The following PCSK2 variants were observed in gnomAD, a reference collection of about 807,000 sequenced individuals.
PCSK2 encodes neuroendocrine convertase 2.
PCSK2 carries 14 observed loss-of-function variants against 69.7 expected under a neutral mutation model. The observed-to-expected ratio is 0.20, with a 90% CI of 0.13 to 0.31. The LOEUF is 0.31. Among genes scored for constraint, PCSK2 ranks in the 10% least tolerant of loss-of-function variants. PCSK2 has a pLI of 1.00. For synonymous variants in PCSK2, 307 were observed against 320.7 expected (o/e 0.96, Z 0.46); for missense variants, 544 against 842.5 (o/e 0.65, Z 4.39).
intron 2 of PCSK2, among the ~76,000 whole-genome samples, chr20:17,283,068 T>G (rs73599741): frequency 2.6e-5 from 4 of 152,126 alleles, no homozygotes; most frequent in African/African-American, 7.2e-5. Flanking sequence ...ATGAACACCT[T>G]TGGTAGGTCA....
At chr20:17,421,807 T>TAAAAAAAAAAAAAAAAAAAAAAAAA (rs56376793) in intron 6 of PCSK2, among the ~76,000 whole-genome samples, 1 of 78,972 alleles carries the variant, frequency 1.3e-5, no homozygotes, top group Non-Finnish European at 2.3e-5. Flanking sequence ...GGAAGAGAGG[T>TAAAAAAAAAAAAAAAAAAAAAAAAA]AAAAAAAAAA....
intron 2 of PCSK2, among the ~76,000 whole-genome samples, chr20:17,288,383 A>G (rs1345833681): frequency 6.6e-6 from 1 of 152,208 alleles, no homozygotes; most frequent in East Asian, 1.9e-4. Context: ...TAGCAAGACC[A>G]GAGCAGGTGC....
intron 2 of PCSK2, among the ~76,000 whole-genome samples, chr20:17,326,848 A>G (rs1990069185): frequency 6.6e-6 from 1 of 152,214 alleles, no homozygotes; most frequent in East Asian, 1.9e-4. Context: ...CTGGAGGTGC[A>G]TGGAGAGGGC....
At chr20:17,277,016 G>A (rs1397775404) in intron 2 of PCSK2, among the ~76,000 whole-genome samples, 1 of 152,128 alleles carries the variant, frequency 6.6e-6, no homozygotes, top group East Asian at 1.9e-4. Context: ...TACAAGGGAT[G>A]TGAAGGACCT....
chr20:17,378,640 GATGA>G (rs1256821390), intron 5 of PCSK2, among the ~76,000 whole-genome samples: 32 of 91,660 alleles, frequency 3.5e-4, no homozygotes, highest in South Asian at 6.3e-4. Context: ...TGGATGGATG[GATGA>G]ATGGATGGAT....
intron 1 of PCSK2, among the ~76,000 whole-genome samples, chr20:17,242,414 C>T (rs1986614689): frequency 6.6e-6 from 1 of 152,166 alleles, no homozygotes; most frequent in Non-Finnish European, 1.5e-5. Context: ...AGATGAGGCA[C>T]ATTGAAAGGG....
intron 4 of PCSK2, among the ~76,000 whole-genome samples, chr20:17,366,549 A>G (rs1474399570): frequency 6.6e-6 from 1 of 152,238 alleles, no homozygotes; most frequent in Non-Finnish European, 1.5e-5. Context: ...AGAATATTGT[A>G]AGAATTAAAC....
chr20:17,384,324 A>C (rs1427541789), intron 5 of PCSK2, among the ~76,000 whole-genome samples: 1 of 151,762 alleles, frequency 6.6e-6, no homozygotes, highest in Non-Finnish European at 1.5e-5. Flanking sequence ...CTGGTGGCTC[A>C]CACCTGTAAT....
intron 7 of PCSK2, among the ~76,000 whole-genome samples, chr20:17,432,349 C>G (rs2032384846): frequency 6.6e-6 from 1 of 152,124 alleles, no homozygotes; most frequent in African/African-American, 2.4e-5. Flanking sequence ...TTTCAAACTC[C>G]GTGACATGTA....
chr20:17,435,171 C>T (rs994128406), intron 7 of PCSK2, among the ~76,000 whole-genome samples: 1 of 152,172 alleles, frequency 6.6e-6, no homozygotes, highest in African/African-American at 2.4e-5. Flanking sequence ...ATTCATTCTT[C>T]TGGACCTGTT....
intron 6 of PCSK2, among the ~76,000 whole-genome samples, chr20:17,426,925 G>T (rs1028919794): frequency 8.5e-5 from 13 of 152,156 alleles, no homozygotes; most frequent in Non-Finnish European, 1.8e-4. Context: ...TGGATACCTC[G>T]TGGCCCAGCC....
chr20:17,280,590 T>C (rs1328061106), intron 2 of PCSK2, among the ~76,000 whole-genome samples: 1 of 152,232 alleles, frequency 6.6e-6, no homozygotes, highest in Non-Finnish European at 1.5e-5. Flanking sequence ...GGGCCATGTC[T>C]AATAAGAAGG....
chr20:17,449,927 C>T (rs1169735776), intron 8 of PCSK2, among the ~76,000 whole-genome samples: 9 of 149,924 alleles, frequency 6.0e-5, no homozygotes, highest in South Asian at 4.2e-4. Context: ...TCTTCATCTT[C>T]GTCCCTCCTT....
At chr20:17,228,648 T>A (rs958361057) in intron 1 of PCSK2, among the ~76,000 whole-genome samples, 15 of 152,232 alleles carry the variant, frequency 9.9e-5, no homozygotes, top group Admixed American at 8.5e-4. Context: ...TGGTTTTGCC[T>A]TGAAGGGCCG....
chr20:17,234,781 TAATTATATATTCCACTCA>T (rs1254522569), intron 1 of PCSK2, among the ~76,000 whole-genome samples: 1 of 152,166 alleles, frequency 6.6e-6, no homozygotes, highest in African/African-American at 2.4e-5. Context: ...AGGTTCACAA[TAATTATATATTCCACTCA>T]AACTAACTGC....
intron 4 of PCSK2, among the ~76,000 whole-genome samples, chr20:17,368,540 G>A (rs1386196125): frequency 2.0e-5 from 3 of 152,190 alleles, no homozygotes; most frequent in Admixed American, 2.0e-4. Context: ...ACCCAAATGA[G>A]AGCTTTTCAA....
chr20:17,254,826 T>C (rs1987117659), intron 1 of PCSK2, among the ~76,000 whole-genome samples: 1 of 152,208 alleles, frequency 6.6e-6, no homozygotes, highest in South Asian at 2.1e-4. Context: ...TTTCCATTTA[T>C]TTAGATCTTT....
At chr20:17,325,993 A>G (rs1282858883) in intron 2 of PCSK2, among the ~76,000 whole-genome samples, 2 of 152,384 alleles carry the variant, frequency 1.3e-5, no homozygotes, top group East Asian at 3.9e-4. Flanking sequence ...CAATGACAGA[A>G]GCAAAAGAGG....
chr20:17,349,638 C>T (rs1030230323), intron 2 of PCSK2, among the ~76,000 whole-genome samples: 3 of 151,828 alleles, frequency 2.0e-5, no homozygotes, highest in Non-Finnish European at 2.9e-5. Context: ...GGTGTTAGAG[C>T]TAAAGTGTTT....
Sources: gnomAD v4.1 joint callset for allele counts (sites outside exome capture counted in the v4.1 genomes callset) on GRCh38, gnomAD v4.1.1 for gene constraint, MANE v1.5 for transcripts, NCBI Gene and HGNC (gene_info 2026-07-23, HGNC 2026-07-21) for gene names.